OLAH: variants seen among roughly 807,000 people sequenced by gnomAD.
The protein encoded by OLAH is S-acyl fatty acid synthase thioesterase, medium chain.
In OLAH, 33 loss-of-function variants were observed where a neutral mutation model predicts 27.8. The observed-to-expected ratio is 1.19, with a 90% CI of 0.90 to 1.59. The LOEUF (loss-of-function observed/expected upper bound fraction) is 1.59, where lower values mean the gene tolerates loss of function less well. Ranked by LOEUF, OLAH falls within the 40% of genes most tolerant of loss-of-function variation. The pLI, the probability that OLAH is intolerant of heterozygous loss-of-function variation, is 0.00. For missense variants in OLAH, 359 were observed against 310.8 expected (o/e 1.16, Z -1.17); for synonymous variants, 120 against 102.9 (o/e 1.17, Z -1.01).
intron 3 of OLAH, among the ~76,000 whole-genome samples, chr10:15,053,354 A>T (rs1844182623): frequency 6.6e-6 from 1 of 152,218 alleles, no homozygotes; most frequent in Non-Finnish European, 1.5e-5. Context: ...GCTTCCTGAT[A>T]GGATTTCAGA....
At chr10:15,056,851 C>A in intron 3 of OLAH, 1 of 1,514,926 alleles carries the variant, frequency 6.6e-7, no homozygotes. Context: ...GTTGCCAAGG[C>A]TGGTCTCAAA....
chr10:15,041,918 A>G (rs1411829756), upstream of OLAH, among the ~76,000 whole-genome samples: 1 of 151,866 alleles, frequency 6.6e-6, no homozygotes, highest in African/African-American at 2.4e-5. Context: ...TCTTCCTGAG[A>G]GGCCCAGTTA....
In OLAH at chr10:15,049,743, A is replaced by G; in HGVS notation, c.141A>G (p.Gln47=). ...GGSTHFAKWG[Q]DTHDLLEVHS... Reference sequence around the variant, plus strand: ...CCACTCATTTTGCCAAATGGGGCCAAGATACTCATGATTTGCTGGAAGGTA... The same window carrying G: ...CCACTCATTTTGCCAAATGGGGCCAGGATACTCATGATTTGCTGGAAGGTA... The change falls in exon 3 of 8, where the codon CAA becomes CAG. Residue 47 remains glutamine, a synonymous_variant. Coordinates refer to ENST00000378228, the MANE Select transcript of OLAH (RefSeq NM_001039702.3). 6 of 1,607,514 alleles carry G rather than the reference A, an allele frequency of 3.7e-6. No individual in the cohort carries two copies. Among genetic ancestry groups the G allele is most frequent in the Non-Finnish European group, 4.2e-6 (5 of 1,178,466 alleles).
intron 6 of OLAH, among the ~76,000 whole-genome samples, chr10:15,066,509 G>T (rs17156272): frequency 0.11 from 16,970 of 151,894 alleles, 1,342 homozygotes; most frequent in African/African-American, 0.21. Context: ...CCATTCCCTT[G>T]TCTCATGGGA....
At chr10:15,068,715 A>C (rs1844520040) in intron 6 of OLAH, among the ~76,000 whole-genome samples, 1 of 152,184 alleles carries the variant, frequency 6.6e-6, no homozygotes, top group African/African-American at 2.4e-5. Flanking sequence ...TAAAATCAAA[A>C]GCCAGTTATC....
At chr10:15,065,513 A>T (rs1362841927) in intron 5 of OLAH, 71 bp from the exon 6 acceptor site, 1 of 1,483,170 alleles carries the variant, frequency 6.7e-7, no homozygotes, top group Admixed American at 2.3e-5. Context: ...CCCTTAGATC[A>T]ACAGTTTTCA....
chr10:15,046,456 T>C (rs1844019787), intron 1 of OLAH, among the ~76,000 whole-genome samples: 1 of 152,178 alleles, frequency 6.6e-6, no homozygotes, highest in Admixed American at 6.5e-5. Context: ...AGAATCCCTC[T>C]TTCTTGAGAT....
chr10:15,039,513 G>A (rs1287606106), upstream of OLAH, among the ~76,000 whole-genome samples: 1 of 152,160 alleles, frequency 6.6e-6, no homozygotes, highest in Non-Finnish European at 1.5e-5. Context: ...GGAGGCGGAG[G>A]TTGCAGTGAG....
chr10:15,043,575 A>C (rs1298313991), upstream of OLAH, among the ~76,000 whole-genome samples: 1 of 151,202 alleles, frequency 6.6e-6, no homozygotes, highest in Non-Finnish European at 1.5e-5. Flanking sequence ...CCTGGGTTCA[A>C]GTGATTCTCC....
chr10:15,064,356 G>A (rs201736161), intron 4 of OLAH, 47 bp from the exon 5 acceptor site: 6 of 1,101,290 alleles, frequency 5.4e-6, no homozygotes, highest in East Asian at 2.5e-5. Context: ...GGATCATCAC[G>A]AGTTTTGCTT....
chr10:15,060,519 T>C (rs1323682077), intron 3 of OLAH, among the ~76,000 whole-genome samples: 1 of 152,004 alleles, frequency 6.6e-6, no homozygotes, highest in Non-Finnish European at 1.5e-5. Context: ...AGTTCACTGA[T>C]CTTTTTCTTC....
intron 3 of OLAH, chr10:15,056,897 C>G: frequency 6.5e-7 from 1 of 1,536,012 alleles, no homozygotes; most frequent in South Asian, 1.2e-5. Context: ...CTTCAGCCTA[C>G]CCATGTGCTG....
intron 2 of OLAH, among the ~76,000 whole-genome samples, chr10:15,047,537 A>G (rs975074456): frequency 3.9e-5 from 6 of 152,156 alleles, no homozygotes; most frequent in Non-Finnish European, 8.8e-5. Context: ...TCTACTAAAA[A>G]TACCAAAAAT....
chr10:15,056,979 T>C, intron 3 of OLAH: 1 of 1,424,478 alleles, frequency 7.0e-7, no homozygotes. Flanking sequence ...TCTAATTTTT[T>C]TTAGTAGGTT....
intron 6 of OLAH, among the ~76,000 whole-genome samples, chr10:15,066,362 T>A (rs930959968): frequency 1.3e-5 from 2 of 152,148 alleles, no homozygotes; most frequent in Non-Finnish European, 2.9e-5. Context: ...CAAAGCATTT[T>A]CATCTTCTTA....
intron 1 of OLAH, among the ~76,000 whole-genome samples, chr10:15,044,376 G>A (rs1238268358): frequency 6.6e-6 from 1 of 151,890 alleles, no homozygotes; most frequent in African/African-American, 2.4e-5. Context: ...GATAATGTAA[G>A]GAACTTTGTT....
chr10:15,069,812 G>A (rs1042906509), intron 6 of OLAH, among the ~76,000 whole-genome samples: 49 of 152,176 alleles, frequency 3.2e-4, no homozygotes, highest in African/African-American at 9.9e-4. Context: ...GTTGCAATGA[G>A]CTGAAATCAC....
intron 1 of OLAH, among the ~76,000 whole-genome samples, chr10:15,034,265 T>C (rs909431100): frequency 6.6e-6 from 1 of 152,038 alleles, no homozygotes; most frequent in Non-Finnish European, 1.5e-5. Context: ...TCCAAGTAGC[T>C]GGGATTACAG....
rs566195220 is a variant in OLAH at position 15,061,728 on chromosome 10, C to T, written c.168C>T (p.His56=). The T allele has an allele frequency of 1.9e-6, 3 of 1,605,756 alleles. No homozygotes were observed. Among genetic ancestry groups the T allele is most frequent in the Admixed American group, 1.7e-5 (1 of 57,984 alleles). Reference sequence around the variant, plus strand: ...CTTGTGTTTCTCCATCTCCAGTGCACTCCTTAAGGCTTCCTGGAAGAGAAA... The same window carrying T: ...CTTGTGTTTCTCCATCTCCAGTGCATTCCTTAAGGCTTCCTGGAAGAGAAA... ...GQDTHDLLEV[H]SLRLPGRESR... The change falls in exon 4 of 8, where the codon CAC becomes CAT. Residue 56 remains histidine, a synonymous_variant. Coordinates refer to ENST00000378228, the MANE Select transcript of OLAH (RefSeq NM_001039702.3).
Sources: gnomAD v4.1 joint callset for allele counts (sites outside exome capture counted in the v4.1 genomes callset) on GRCh38, gnomAD v4.1.1 for gene constraint, MANE v1.5 for transcripts, NCBI Gene and HGNC (gene_info 2026-07-23, HGNC 2026-07-21) for gene names.